The following PRORP variants were observed in gnomAD, a reference collection of about 807,000 sequenced individuals.
PRORP encodes the protein mitochondrial ribonuclease P catalytic subunit.
PRORP carries 51 observed loss-of-function variants against 59.4 expected under a neutral mutation model. That is an observed-to-expected ratio of 0.86 (90% CI 0.69 to 1.08). PRORP has a LOEUF of 1.08. Ranked by LOEUF, PRORP falls within the 50% of genes least tolerant of loss-of-function variation. The pLI is 0.00. For missense variants in PRORP, 646 were observed against 690.3 expected, an observed-to-expected ratio of 0.94 and a Z score of 0.72; for synonymous variants, 231 against 245.6, an observed-to-expected ratio of 0.94 and a Z score of 0.55.
intron 5 of PRORP, among the ~76,000 whole-genome samples, chr14:35,257,492 C>G (rs1158090786): frequency 6.6e-6 from 1 of 152,122 alleles, no homozygotes; most frequent in African/African-American, 2.4e-5. Context: ...ACTTAGTTTT[C>G]AAGTTCATCC....
intron 5 of PRORP, among the ~76,000 whole-genome samples, chr14:35,256,343 TTTTTTTA>T (rs1328572607): frequency 1.5e-5 from 2 of 131,540 alleles, no homozygotes; most frequent in Admixed American, 7.5e-5. Flanking sequence ...TTTTTTTTTT[TTTTTTTA>T]AGACAGAGTC....
At chr14:35,252,284 G>T (rs889990984) in intron 5 of PRORP, among the ~76,000 whole-genome samples, 2 of 152,208 alleles carry the variant, frequency 1.3e-5, no homozygotes, top group East Asian at 1.9e-4. Context: ...TTAGACGGGT[G>T]TAGGGGCACA....
At chr14:35,219,913 T>A (rs1035090221) in intron 5 of PRORP, among the ~76,000 whole-genome samples, 4 of 152,194 alleles carry the variant, frequency 2.6e-5, no homozygotes, top group African/African-American at 9.7e-5. Context: ...GAAAAAAGTT[T>A]CTTAAATTTA....
At chr14:35,239,177 G>A (rs1459898047) in intron 5 of PRORP, among the ~76,000 whole-genome samples, 4 of 151,982 alleles carry the variant, frequency 2.6e-5, no homozygotes, top group Admixed American at 1.3e-4. Context: ...CCAACATGGT[G>A]AAACCCCGTC....
Position 35,123,254 on chromosome 14 carries a change from C to T in PRORP, c.9C>T (p.Phe3=). Residue 3 remains phenylalanine (F), a synonymous_variant, in exon 2 of 8, where the codon TTC becomes TTT. Transcript: ENST00000534898. MT[F]YLFGIRSFPK... is the part of the protein sequence containing the mutation. Reference sequence around the variant, plus strand: ...GCTGATCTCACTGCATAATGACTTTCTATTTGTTTGGTATTCGAAGCTTTC... The same window carrying T: ...GCTGATCTCACTGCATAATGACTTTTTATTTGTTTGGTATTCGAAGCTTTC... 1.2e-6 allele frequency: 2 copies of T among 1,608,170 alleles called. No homozygotes were observed. The highest frequency in any genetic ancestry group is 1.3e-5 in the African/African-American group (1 of 74,926).
rs567435926 is a variant in PRORP, at chr14:35,127,653, A to C, written c.1167+42A>C. ...TTATTTCTTCTTGGATTGCTTGTCTAGAGCAGGGGTTAGCAATTTTTGTAA... is the reference window on the plus strand; with the variant it reads ...TTATTTCTTCTTGGATTGCTTGTCTCGAGCAGGGGTTAGCAATTTTTGTAA... On this transcript the variant is annotated intron_variant, in intron 4 of 7. Transcript: ENST00000534898. The C allele has an allele frequency of 1.6e-5, 25 of 1,609,348 alleles. No individual in the cohort carries two copies. In the African/African-American group the frequency reaches 2.3e-4, roughly 15 times the overall value.
At chr14:35,202,873 A>G (rs1300608536) in intron 5 of PRORP, among the ~76,000 whole-genome samples, 3 of 152,140 alleles carry the variant, frequency 2.0e-5, no homozygotes, top group Admixed American at 6.5e-5. Flanking sequence ...GCCTCAAGCA[A>G]TCCCCTCACC....
chr14:35,155,697 A>G (rs1405366241), intron 4 of PRORP, among the ~76,000 whole-genome samples: 3 of 151,838 alleles, frequency 2.0e-5, no homozygotes, highest in African/African-American at 7.2e-5. Flanking sequence ...TTCCTATAGT[A>G]AAGATTTCCT....
chr14:35,272,675 G>C (rs1175987205), intron 7 of PRORP, among the ~76,000 whole-genome samples: 1 of 152,154 alleles, frequency 6.6e-6, no homozygotes, highest in Non-Finnish European at 1.5e-5. Context: ...GGCAGCGTAT[G>C]GATGAAATAA....
intron 5 of PRORP, among the ~76,000 whole-genome samples, chr14:35,245,512 G>T (rs916039993): frequency 1.3e-5 from 2 of 152,148 alleles, no homozygotes; most frequent in East Asian, 3.8e-4. Context: ...AGGTGTTGTG[G>T]TGCATACCTG....
chr14:35,150,264 A>G lies in PRORP; in HGVS notation c.1167+22653A>G, dbSNP rs1035749208. 1.3e-5 allele frequency among the ~76,000 whole-genome samples: 2 copies of G among 152,224 alleles called. 1 individual carries two copies. Among genetic ancestry groups the G allele is most frequent in the African/African-American group, 4.8e-5 (2 of 41,460 alleles). ...AACACCTAGAGGCCATCGTAGAATT[A>G]TTAATTGGCCTAATTTCAGTATTGT... On this transcript the variant is annotated intron_variant, in intron 4 of 7. Transcript: ENST00000534898.
intron 4 of PRORP, among the ~76,000 whole-genome samples, chr14:35,154,129 T>C (rs1214382601): frequency 1.3e-5 from 2 of 152,102 alleles, no homozygotes; most frequent in African/African-American, 4.8e-5. Flanking sequence ...TAACACATAG[T>C]TATGTGTTAA....
intron 5 of PRORP, among the ~76,000 whole-genome samples, chr14:35,188,393 G>A (rs2048796566): frequency 6.6e-6 from 1 of 151,364 alleles, no homozygotes; most frequent in Admixed American, 6.6e-5. Flanking sequence ...GTTTCACCAT[G>A]TTGGTCAGGC....
chr14:35,269,105 G>A (rs1242456098), intron 6 of PRORP, among the ~76,000 whole-genome samples: 1 of 152,132 alleles, frequency 6.6e-6, no homozygotes, highest in Non-Finnish European at 1.5e-5. Flanking sequence ...TTGAGATCAT[G>A]GCCCTGCCAC....
At chr14:35,180,444 T>C (rs2048574880) in intron 4 of PRORP, among the ~76,000 whole-genome samples, 1 of 152,150 alleles carries the variant, frequency 6.6e-6, no homozygotes, top group African/African-American at 2.4e-5. Context: ...TATAAAGCAC[T>C]ATGAGATTAT....
In PRORP at chr14:35,276,270, ACACTC is replaced by A. The variant is rs2051293012; in HGVS notation, c.*2707_*2711del. On this transcript the variant is annotated 3_prime_UTR_variant, in exon 8 of 8. Coordinates refer to ENST00000534898, the MANE Select transcript of PRORP (RefSeq NM_014672.4). ...TACAGTGAGCTATGATCATGCTACT[ACACTC>A]CAGCCTAGGTGACAGAGTGAGACCC... 1 of 152,466 alleles carries A rather than the reference ACACTC, an allele frequency of 6.6e-6. No homozygotes were observed. 9.4% of individuals were successfully genotyped at this position (152,466 alleles called of 1,614,324 possible).
At chr14:35,219,213 G>A (rs1277066861) in intron 5 of PRORP, 1 of 152,236 alleles carries the variant, frequency 6.6e-6, no homozygotes, top group African/African-American at 2.4e-5. Flanking sequence ...TACAGTCTGC[G>A]ACCACTGGTG....
At chr14:35,173,108 T>C (rs2048362247) in intron 4 of PRORP, among the ~76,000 whole-genome samples, 1 of 152,164 alleles carries the variant, frequency 6.6e-6, no homozygotes, top group Non-Finnish European at 1.5e-5. Flanking sequence ...CATCAAGTGA[T>C]CCACCCACCT....
intron 5 of PRORP, among the ~76,000 whole-genome samples, chr14:35,263,291 C>T (rs888088893): frequency 6.6e-6 from 1 of 152,156 alleles, no homozygotes; most frequent in Non-Finnish European, 1.5e-5. Context: ...GCATATTCTT[C>T]AGCTAATCAG....
Sources: gnomAD v4.1 joint callset for allele counts (sites outside exome capture counted in the v4.1 genomes callset) on GRCh38, gnomAD v4.1.1 for gene constraint, MANE v1.5 for transcripts, NCBI Gene and HGNC (gene_info 2026-07-23, HGNC 2026-07-21) for gene names.